Variants in CD2AP observed in about 807,000 individuals in gnomAD.
The protein encoded by CD2AP is CD2-associated protein.
A neutral mutation model predicts 85.1 loss-of-function variants in CD2AP; 46 were observed. The observed-to-expected ratio is 0.54, with a 90% CI of 0.43 to 0.69. The LOEUF (loss-of-function observed/expected upper bound fraction) is 0.69, where lower values mean the gene tolerates loss of function less well. Among genes scored for constraint, CD2AP ranks in the 30% least tolerant of loss-of-function variants. The probability of loss-of-function intolerance (pLI) is 0.00; values close to 1 mark genes in which losing one functional copy is unlikely to be tolerated. For missense variants in CD2AP, 769 were observed against 729.5 expected (o/e 1.05, Z -0.62); for synonymous variants, 255 against 252.9 (o/e 1.01, Z -0.08).
chr6:47,529,925 A>C (rs1277604239), intron 2 of CD2AP, among the ~76,000 whole-genome samples: 1 of 152,104 alleles, frequency 6.6e-6, no homozygotes, highest in African/African-American at 2.4e-5. Context: ...GCTCCAGGCA[A>C]ATTTAGTGTT....
intron 2 of CD2AP, among the ~76,000 whole-genome samples, chr6:47,529,192 C>T (rs957814843): frequency 4.4e-5 from 5 of 114,522 alleles, no homozygotes; most frequent in African/African-American, 1.1e-4. Context: ...TGCCCCCCCC[C>T]CCCCCCCCAA....
At chr6:47,573,854 A>G (rs1302870683) in intron 5 of CD2AP, among the ~76,000 whole-genome samples, 1 of 152,178 alleles carries the variant, frequency 6.6e-6, no homozygotes, top group African/African-American at 2.4e-5. Context: ...AATTAAATTT[A>G]CCTAAAATTA....
intron 1 of CD2AP, among the ~76,000 whole-genome samples, chr6:47,484,351 CTTTTT>C (rs35006084): frequency 7.1e-6 from 1 of 141,300 alleles, no homozygotes; most frequent in African/African-American, 2.6e-5. Flanking sequence ...GATATTACCT[CTTTTT>C]TTTTTTTTTG....
At chr6:47,556,628 C>T (rs1395143683) in intron 5 of CD2AP, among the ~76,000 whole-genome samples, 7 of 152,040 alleles carry the variant, frequency 4.6e-5, no homozygotes, top group African/African-American at 9.7e-5. Context: ...AGATTACAGG[C>T]GGGAGCCACT....
intron 2 of CD2AP, 78 bp from the exon 3 acceptor site, chr6:47,533,524 T>C: frequency 1.5e-6 from 2 of 1,348,470 alleles, no homozygotes; most frequent in Non-Finnish European, 2.1e-6. Flanking sequence ...TGTAGCTATT[T>C]TTTGGTATTT....
Position 47,606,237 on chromosome 6 carries a change from C to T in CD2AP, c.1490C>T (p.Pro497Leu), listed in dbSNP as rs1388247056. 1 of 1,611,468 alleles carries T rather than the reference C, an allele frequency of 6.2e-7. No individual in the cohort carries two copies. ...LHLTANRPKM[P>L]GRRLPGRFNG... ...CTCACTGCAAATAGACCAAAGATGC[C>T]TGGAAGAAGGTTGCCGGGCCGTTTC... The change falls in exon 14 of 18, where the codon CCT becomes CTT. Residue 497 changes from proline (P) to leucine (L), a missense_variant. Coordinates refer to ENST00000359314, the MANE Select transcript of CD2AP (RefSeq NM_012120.3).
intron 1 of CD2AP, among the ~76,000 whole-genome samples, chr6:47,482,580 G>A (rs796864568): frequency 4.0e-5 from 6 of 151,876 alleles, no homozygotes; most frequent in Admixed American, 1.3e-4. Flanking sequence ...GGGTTTCACC[G>A]TGTTAGCCAG....
At chr6:47,566,274 CTTA>C (rs1767990742) in intron 5 of CD2AP, among the ~76,000 whole-genome samples, 1 of 133,718 alleles carries the variant, frequency 7.5e-6, no homozygotes, top group South Asian at 2.6e-4. Flanking sequence ...GCTTATTAAG[CTTA>C]TTGTCTGTCT....
intron 2 of CD2AP, among the ~76,000 whole-genome samples, chr6:47,527,598 C>T (rs1490833143): frequency 6.6e-6 from 1 of 152,158 alleles, no homozygotes; most frequent in Non-Finnish European, 1.5e-5. Flanking sequence ...AATTGATATG[C>T]TAGCTTGAAG....
chr6:47,478,103 G>T lies in CD2AP; in HGVS notation c.-142G>T, dbSNP rs771046571. The T allele has an allele frequency of 6.4e-6, 7 of 1,091,670 alleles. No homozygotes were observed. The African/African-American group carries it at 7.8e-5, about 12-fold the overall frequency. 67.6% of individuals were successfully genotyped at this position (1,091,670 alleles called of 1,614,324 possible). A position where few individuals can be genotyped will look rare whatever the true frequency, so the allele number is the denominator to read the frequency against. ...GAGAGCGCCGCGGGCGGATGGAGGC[G>T]ACTCTTCGCCCCGCCTGAGCTCAGG... On this transcript the variant is annotated 5_prime_UTR_variant, in exon 1 of 18. Coordinates refer to ENST00000359314, the MANE Select transcript of CD2AP (RefSeq NM_012120.3).
rs915684224 is a variant in CD2AP, at chr6:47,580,864, A to G, written c.1009A>G (p.Lys337Glu). 1.9e-6 allele frequency: 3 copies of G among 1,605,468 alleles called. No individual in the cohort carries two copies. Among genetic ancestry groups the G allele is most frequent in the East Asian group, 4.5e-5 (2 of 44,764 alleles). The change falls in exon 10 of 18, where the codon AAA becomes GAA. Residue 337 changes from lysine to glutamate, a missense_variant and splice_region_variant. Transcript: ENST00000359314. ...GTTTCCACCATTATTATTTTAACAG[A>G]AACCAAAGAAACCACCACCTCCTGC... ...QINELDKDFP[K>E]PKKPPPPAKA... is the part of the protein sequence containing the mutation.
At chr6:47,546,193 C>T (rs1343103110) in intron 4 of CD2AP, among the ~76,000 whole-genome samples, 16 of 151,982 alleles carry the variant, frequency 1.1e-4, no homozygotes, top group Non-Finnish European at 1.5e-5. Flanking sequence ...AATGGATGCA[C>T]TTACAGAAAT....
chr6:47,574,322 C>A, intron 6 of CD2AP, 71 bp downstream of exon 6: 1 of 1,358,940 alleles, frequency 7.4e-7, no homozygotes, highest in Non-Finnish European at 1.1e-6. Context: ...ATGTAAAAGT[C>A]AGTTTGTAAC....
Position 47,503,316 on chromosome 6 carries a change from A to G in CD2AP, c.41A>G (p.His14Arg). The change falls in exon 2 of 18, where the codon CAT (histidine) becomes CGT (arginine). Residue 14 changes from histidine to arginine, a missense_variant. Coordinates refer to ENST00000359314, the MANE Select transcript of CD2AP (RefSeq NM_012120.3). ...GTGGAGTATGACTATGATGCTGTAC[A>G]TGATGATGAATTAACTATTCGAGTT... is the stretch of plus-strand genomic sequence containing the variant. ...YIVEYDYDAV[H>R]DDELTIRVGE... The G allele has an allele frequency of 1.9e-6, 3 of 1,613,826 alleles. No homozygotes were observed. The highest frequency in any genetic ancestry group is 1.1e-5 in the South Asian group (1 of 91,072).
At chr6:47,597,819 G>A (rs1025127522) in intron 12 of CD2AP, among the ~76,000 whole-genome samples, 3 of 150,766 alleles carry the variant, frequency 2.0e-5, no homozygotes, top group African/African-American at 7.3e-5. Flanking sequence ...CGAGGCTGCA[G>A]AGATGGCTGT....
At chr6:47,504,654 G>GA (rs1766081632) in intron 2 of CD2AP, among the ~76,000 whole-genome samples, 1 of 151,534 alleles carries the variant, frequency 6.6e-6, no homozygotes, top group Admixed American at 6.6e-5. Flanking sequence ...GTGGAGGGCC[G>GA]ACTGTATTTT....
chr6:47,619,588 G>C (rs567179908), intron 17 of CD2AP, among the ~76,000 whole-genome samples: 7 of 152,308 alleles, frequency 4.6e-5, no homozygotes, highest in Non-Finnish European at 1.0e-4. Flanking sequence ...ATACCCAGTA[G>C]TGGGATTGCT....
At position 47,606,271 on chromosome 6, in the gene CD2AP, A is replaced by G. The variant is rs768635862; in HGVS notation, c.1524A>G (p.Gly508=). The G allele has an allele frequency of 1.3e-6, 2 of 1,561,222 alleles. No homozygotes were observed. Among genetic ancestry groups the G allele is most frequent in the Non-Finnish European group, 1.8e-6 (2 of 1,131,972 alleles). Residue 508 remains glycine (G), a synonymous_variant, in exon 14 of 18, where the codon GGA becomes GGG. Transcript: ENST00000359314. ...GGTTGCCGGGCCGTTTCAATGGTGG[A>G]CATTCTGTGAGTTCATCTAATTGTC... is the stretch of plus-strand genomic sequence containing the variant. ...GRRLPGRFNG[G]HSPTHSPEKI...
chr6:47,558,845 G>A (rs572979755), intron 5 of CD2AP, among the ~76,000 whole-genome samples: 34 of 152,284 alleles, frequency 2.2e-4, no homozygotes, highest in African/African-American at 7.7e-4. Context: ...CATAAAATGA[G>A]TTACGGAGGA....
Sources: gnomAD v4.1 joint callset for allele counts (sites outside exome capture counted in the v4.1 genomes callset) on GRCh38, gnomAD v4.1.1 for gene constraint, MANE v1.5 for transcripts, NCBI Gene and HGNC (gene_info 2026-07-23, HGNC 2026-07-21) for gene names.